LILRB1: variants seen among roughly 807,000 people sequenced by gnomAD.
LILRB1 encodes leukocyte immunoglobulin like receptor B1.
In LILRB1, 59 loss-of-function variants were observed where a neutral mutation model predicts 74.6. That is an observed-to-expected ratio of 0.79 (90% confidence interval 0.64 to 0.98). The LOEUF is 0.98. LILRB1 is among the 50% of genes least tolerant of loss of function. The probability of loss-of-function intolerance (pLI) is 0.00; values close to 1 mark genes in which losing one functional copy is unlikely to be tolerated. For synonymous variants in LILRB1, 328 were observed against 333.9 expected, an observed-to-expected ratio of 0.98 and a Z score of 0.19; for missense variants, 804 against 822.6, an observed-to-expected ratio of 0.98 and a Z score of 0.28.
intron 8 of LILRB1, 32 bp from the exon 9 acceptor site, chr19:54,633,939 G>T (rs776349766): frequency 6.4e-7 from 1 of 1,573,590 alleles, no homozygotes; most frequent in Non-Finnish European, 8.6e-7. Flanking sequence ...GAGCAGGGCA[G>T]CCCCAGCCCT....
chr19:54,627,600 C>G (rs907565188), upstream of LILRB1, among the ~76,000 whole-genome samples: 9 of 152,358 alleles, frequency 5.9e-5, no homozygotes, highest in South Asian at 2.1e-4. Context: ...CGAGAAAAAA[C>G]TTGCCCAGCA....
At position 54,631,758 on chromosome 19, in the gene LILRB1, G is replaced by C. The variant is rs10419085; in HGVS notation, c.329G>C (p.Ser110Thr). ...YGSDTAGRSE[S>T]SDPLELVVTG... ...AGCGACACTGCAGGCCGCTCAGAGA[G>C]CAGTGACCCCCTGGAGCTGGTGGTG... Residue 110 changes from serine to threonine, a missense_variant, in exon 4 of 15, where the codon AGC becomes ACC. Coordinates refer to ENST00000324602, the MANE Select transcript of LILRB1 (RefSeq NM_001081637.3). 2.9e-3 allele frequency: 4,681 copies of C among 1,611,318 alleles called. 1 individual carries two copies. In the African/African-American group the frequency reaches 0.057, roughly 20 times the overall value.
intron 1 of LILRB1, 108 bp downstream of exon 1, chr19:54,630,741 G>A (rs2146235241): frequency 2.7e-6 from 2 of 749,186 alleles, no homozygotes; most frequent in Non-Finnish European, 4.7e-6. Context: ...GTCAGGAAGG[G>A]CAGACACAGG....
At chr19:54,634,448 G>C in intron 9 of LILRB1, 193 bp from the exon 10 acceptor site, 1 of 1,521,380 alleles carries the variant, frequency 6.6e-7, no homozygotes, top group African/African-American at 1.4e-5. Context: ...TTCCTGGCTG[G>C]GGGCCCCGGG....
chr19:54,626,443 G>C (rs2063591156), upstream of LILRB1, among the ~76,000 whole-genome samples: 1 of 152,134 alleles, frequency 6.6e-6, no homozygotes. Flanking sequence ...CATTCTGAAA[G>C]TGTGATCCAT....
chr19:54,635,638 A>G, intron 13 of LILRB1, 29 bp downstream of exon 13: 1 of 1,612,164 alleles, frequency 6.2e-7, no homozygotes, highest in Non-Finnish European at 8.5e-7. Context: ...CCCAGGCACC[A>G]AAGGCCTCCT....
chr19:54,632,455 T>C lies in LILRB1; in HGVS notation c.662-9T>C, dbSNP rs192940808. 564 of 1,591,104 alleles carry C rather than the reference T, an allele frequency of 3.5e-4. 3 individuals are homozygous for C. In the African/African-American group the frequency reaches 6.9e-3, roughly 19 times the overall value. On this transcript the variant is annotated splice_polypyrimidine_tract_variant and intron_variant, in intron 5 of 14. Transcript: ENST00000324602. Reference sequence around the variant, plus strand: ...TCGGCTCCTGGAAACCATGACCACCTTTTCCCAGGTGTTTCTAAGAAGCCA... The same window carrying C: ...TCGGCTCCTGGAAACCATGACCACCCTTTCCCAGGTGTTTCTAAGAAGCCA...
chr19:54,634,335 T>G (rs895669847), intron 9 of LILRB1: 13 of 1,541,786 alleles, frequency 8.4e-6, no homozygotes, highest in Non-Finnish European at 1.1e-5. Flanking sequence ...AGAGTCATGG[T>G]TCAGGACGGT....
chr19:54,624,138 T>C (rs565333304), intron 1 of LILRB1, among the ~76,000 whole-genome samples: 26 of 152,292 alleles, frequency 1.7e-4, no homozygotes, highest in African/African-American at 5.8e-4. Context: ...GGAACACCCC[T>C]GGGCAGAGCT....
chr19:54,634,858 A>G, intron 10 of LILRB1, 95 bp downstream of exon 10: 1 of 1,542,198 alleles, frequency 6.5e-7, no homozygotes, highest in Non-Finnish European at 8.8e-7. Flanking sequence ...TGCAGCTTTG[A>G]GAAACTGTTC....
At chr19:54,636,003 C>T (rs1424674334) in intron 13 of LILRB1, 4 of 553,116 alleles carry the variant, frequency 7.2e-6, no homozygotes, top group Admixed American at 2.2e-5. Context: ...GGAAAGCCGC[C>T]CCCGCCTCCT....
chr19:54,635,419 A>T lies in LILRB1; in HGVS notation c.1600+123A>T, dbSNP rs1244469781. 4.0e-6 allele frequency: 6 copies of T among 1,513,618 alleles called. No individual in the cohort carries two copies. The African/African-American group carries it at 6.9e-5, about 17-fold the overall frequency. 93.8% of individuals were successfully genotyped at this position (1,513,618 alleles called of 1,614,324 possible). On this transcript the variant is annotated intron_variant, in intron 12 of 14. Transcript: ENST00000324602. The stretch of plus-strand genomic sequence containing the variant: ...GCTCAGGGTGAGATCATCTCACCCC[A>T]CACTGTGGGGCCTCAGGGACATCGC...
At chr19:54,616,797 C>T (rs1424407459), upstream of LILRB1, among the ~76,000 whole-genome samples, 1 of 152,026 alleles carries the variant, frequency 6.6e-6, no homozygotes, top group East Asian at 1.9e-4. Context: ...ACTGTGTTTC[C>T]TCAGCTTAAA....
chr19:54,634,798 C>A (rs753182726), intron 10 of LILRB1, 35 bp downstream of exon 10: 31 of 1,607,518 alleles, frequency 1.9e-5, no homozygotes, highest in Non-Finnish European at 2.6e-5. Context: ...GAGGGCTGAC[C>A]GAGGGTGGGC....
upstream of LILRB1, chr19:54,630,356 CG>C (rs2063737034): frequency 1.4e-5 from 4 of 276,720 alleles, no homozygotes; most frequent in Middle Eastern, 1.3e-3. Context: ...GATTTGTTCC[CG>C]GGGGGTGGGG....
chr19:54,621,528 G>GT (rs2063454697), intron 1 of LILRB1, among the ~76,000 whole-genome samples: 1 of 93,970 alleles, frequency 1.1e-5, no homozygotes, highest in Non-Finnish European at 2.8e-5. Context: ...AGTTGTCTGT[G>GT]TTTTTTGTTT....
At chr19:54,626,464 C>G (rs1411478022), upstream of LILRB1, among the ~76,000 whole-genome samples, 1 of 152,100 alleles carries the variant, frequency 6.6e-6, no homozygotes, top group Non-Finnish European at 1.5e-5. Context: ...AGAGAGATAC[C>G]TGTTTCCTCT....
At chr19:54,620,848 T>C (rs1307353021) in intron 1 of LILRB1, among the ~76,000 whole-genome samples, 1 of 152,156 alleles carries the variant, frequency 6.6e-6, no homozygotes, top group Non-Finnish European at 1.5e-5. Flanking sequence ...ACAAACATAA[T>C]GAGTGCAGTT....
rs1164583552 is a variant in LILRB1 at position 54,632,171 on chromosome 19, G to C, written c.595G>C (p.Ala199Pro). 6.2e-7 allele frequency: 1 copy of C among 1,614,208 alleles called. No homozygotes were observed. Among genetic ancestry groups the C allele is most frequent in the South Asian group, 1.1e-5 (1 of 91,086 alleles). The change falls in exon 5 of 15, where the codon GCT (alanine) becomes CCT (proline). Residue 199 changes from alanine to proline, a missense_variant. Physicochemically the swap from Ala to Pro is conservative, Grantham distance 27. Coordinates refer to ENST00000324602, the MANE Select transcript of LILRB1 (RefSeq NM_001081637.3). ...PSRRWWYRCY[A>P]YDSNSPYEWS... ...TCGCAGGTGGTGGTACAGGTGCTAT[G>C]CTTATGACTCGAACTCTCCCTATGA...
Sources: gnomAD v4.1 joint callset for allele counts (sites outside exome capture counted in the v4.1 genomes callset) on GRCh38, gnomAD v4.1.1 for gene constraint, MANE v1.5 for transcripts, NCBI Gene and HGNC (gene_info 2026-07-23, HGNC 2026-07-21) for gene names.